Variants in PCDHGA1 observed in about 807,000 individuals in gnomAD.
The protein encoded by PCDHGA1 is protocadherin gamma-A1.
Under a neutral mutation model 58.0 loss-of-function variants are expected in PCDHGA1, and 32 were observed. That is an observed-to-expected ratio of 0.55 (90% CI 0.42 to 0.74). PCDHGA1 has a LOEUF of 0.74. PCDHGA1 is among the 30% of genes least tolerant of loss of function. The probability of loss-of-function intolerance (pLI) is 0.00; values close to 1 mark genes in which losing one functional copy is unlikely to be tolerated. For missense variants in PCDHGA1, 1,205 were observed against 1,182.3 expected (o/e 1.02, Z -0.28); for synonymous variants, 498 against 501.1 (o/e 0.99, Z 0.08).
chr5:141,357,486 C>T, intron 1 of PCDHGA1: 1 of 1,614,238 alleles, frequency 6.2e-7, no homozygotes, highest in South Asian at 1.1e-5. Flanking sequence ...TCACCGCGGA[C>T]TCGCGGAAGA....
intron 1 of PCDHGA1, among the ~76,000 whole-genome samples, chr5:141,436,521 C>T (rs2097829891): frequency 6.6e-6 from 1 of 152,086 alleles, no homozygotes; most frequent in African/African-American, 2.4e-5. Flanking sequence ...AACTGTGTCA[C>T]CTTTAGCAAG....
intron 1 of PCDHGA1, among the ~76,000 whole-genome samples, chr5:141,381,616 A>G (rs187813287): frequency 6.6e-6 from 1 of 152,230 alleles, no homozygotes; most frequent in Non-Finnish European, 1.5e-5. Context: ...ACAGCCCAGT[A>G]GGATCTCTGC....
chr5:141,398,528 C>T (rs1355149152), intron 1 of PCDHGA1: 2 of 1,613,386 alleles, frequency 1.2e-6, no homozygotes, highest in Non-Finnish European at 1.7e-6. Flanking sequence ...CCAAAATTCA[C>T]GCAAAATTCC....
chr5:141,339,032 G>A, intron 1 of PCDHGA1: 1 of 1,596,252 alleles, frequency 6.3e-7, no homozygotes, highest in Non-Finnish European at 8.6e-7. Context: ...CTTCCTTTTG[G>A]CGACCCTGTG....
At position 141,366,371 on chromosome 5, in the gene PCDHGA1, C is replaced by T. The variant is rs780787385; in HGVS notation, c.2421+33266C>T. 2.2e-5 allele frequency: 35 copies of T among 1,613,992 alleles called. No individual in the cohort carries two copies. In the South Asian group the frequency reaches 3.4e-4, roughly 16 times the overall value. Reference sequence around the variant, plus strand: ...GGCTGACCTAGGCAGTATCAAGACCCCCATTGACCCTGAGGATCTGGACCT... The same window carrying T: ...GGCTGACCTAGGCAGTATCAAGACCTCCATTGACCCTGAGGATCTGGACCT... On this transcript the variant is annotated intron_variant, in intron 1 of 3. Coordinates refer to ENST00000517417, the MANE Select transcript of PCDHGA1 (RefSeq NM_018912.3).
In PCDHGA1 at chr5:141,332,986, C is replaced by T. The variant is rs1756439768; in HGVS notation, c.2302C>T (p.Leu768=). Reference sequence around the variant, plus strand: ...CACTGCGGACTCGCGGAAGAGCCACCTGATTTTCCCCCAGCCCAACTATGC... The same window carrying T: ...CACTGCGGACTCGCGGAAGAGCCACTTGATTTTCCCCCAGCCCAACTATGC... ...SLTADSRKSH[L]IFPQPNYADT... The change falls in exon 1 of 4, where the codon CTG becomes TTG. Residue 768 remains leucine, a synonymous_variant. Transcript: ENST00000517417. The surrounding 1 kb of genome is among the most constrained non-coding windows in gnomAD (Gnocchi z 4.6). The T allele has an allele frequency of 6.2e-7, 1 of 1,614,104 alleles. No individual in the cohort carries two copies. Among genetic ancestry groups the T allele is most frequent in the Non-Finnish European group, 8.5e-7 (1 of 1,180,054 alleles).
At position 141,432,818 on chromosome 5, in the gene PCDHGA1, T is replaced by C. The variant is rs370597280; in HGVS notation, c.2422-61989T>C. On this transcript the variant is annotated intron_variant, in intron 1 of 3. Transcript: ENST00000517417. This position sits in a 1 kb window ranked among gnomAD's most constrained non-coding sequence, Gnocchi z 6.0. The stretch of plus-strand genomic sequence containing the variant: ...CGAGTCTCCAGCTAACTCTGAAACC[T>C]CAGACCTCACTCTGTACCTGGTGGT... 9.9e-6 allele frequency: 16 copies of C among 1,614,106 alleles called. No individual in the cohort carries two copies. The highest frequency in any genetic ancestry group is 1.4e-5 in the Non-Finnish European group (16 of 1,179,986).
intron 1 of PCDHGA1, chr5:141,413,247 CGGGATTCCAT>C: frequency 6.2e-7 from 1 of 1,613,940 alleles, no homozygotes; most frequent in South Asian, 1.1e-5. Flanking sequence ...GCCTTTTCTT[CGGGATTCCAT>C]GGGAGGCTGG....
chr5:141,408,855 G>T, intron 1 of PCDHGA1: 1 of 1,613,572 alleles, frequency 6.2e-7, no homozygotes, highest in Non-Finnish European at 8.5e-7. Context: ...TTGGACGGAG[G>T]GGACCCACCA....
At chr5:141,470,983 C>G (rs1486663328) in intron 1 of PCDHGA1, among the ~76,000 whole-genome samples, 2 of 151,528 alleles carry the variant, frequency 1.3e-5, no homozygotes, top group African/African-American at 4.9e-5. Context: ...TCCCAAAGTG[C>G]TGGGACTACA....
At chr5:141,356,356 A>T (rs778071643) in intron 1 of PCDHGA1, 2 of 1,556,868 alleles carry the variant, frequency 1.3e-6, no homozygotes, top group South Asian at 1.2e-5. Flanking sequence ...CACATGTTCT[A>T]TTCCAGATAA....
chr5:141,418,391 T>G, intron 1 of PCDHGA1: 1 of 1,614,010 alleles, frequency 6.2e-7, no homozygotes, highest in Non-Finnish European at 8.5e-7. Context: ...TAACGAGTAT[T>G]TCTCATTGGT....
At chr5:141,346,335 C>T (rs1489415232) in intron 1 of PCDHGA1, 11 of 1,614,122 alleles carry the variant, frequency 6.8e-6, no homozygotes, top group South Asian at 1.1e-5. Context: ...GAAGAGCCAC[C>T]TGATTTTCCC....
intron 1 of PCDHGA1, chr5:141,478,831 G>C: frequency 7.0e-7 from 1 of 1,435,672 alleles, no homozygotes; most frequent in Non-Finnish European, 9.1e-7. Flanking sequence ...ATCTTGCTAA[G>C]GGATGGTTAA....
rs752950365 is a variant in PCDHGA1, at chr5:141,339,304, G to A, written c.2421+6199G>A. The A allele has an allele frequency of 6.2e-6, 10 of 1,614,228 alleles. No individual in the cohort carries two copies. In the East Asian group the frequency reaches 1.8e-4, roughly 29 times the overall value. On this transcript the variant is annotated intron_variant, in intron 1 of 3. Coordinates refer to ENST00000517417, the MANE Select transcript of PCDHGA1 (RefSeq NM_018912.3). ...TGTTGAATTTTAACATTCTGCTGGAGGATAAATTGACTATTTATTCAGTAG... is the reference window on the plus strand; with the variant it reads ...TGTTGAATTTTAACATTCTGCTGGAAGATAAATTGACTATTTATTCAGTAG...
intron 1 of PCDHGA1, chr5:141,361,473 C>G (rs374176708): frequency 1.2e-6 from 2 of 1,614,024 alleles, no homozygotes; most frequent in Non-Finnish European, 1.7e-6. Context: ...CCGACGTCAA[C>G]GATAATGCCC....
At chr5:141,395,478 T>G in intron 1 of PCDHGA1, 1 of 546,140 alleles carries the variant, frequency 1.8e-6, no homozygotes, top group Non-Finnish European at 3.1e-6. Context: ...CAGTATTTTA[T>G]TCCTATTATC....
At chr5:141,484,672 A>G (rs1253641119) in intron 1 of PCDHGA1, among the ~76,000 whole-genome samples, 1 of 151,990 alleles carries the variant, frequency 6.6e-6, no homozygotes, top group African/African-American at 2.4e-5. Flanking sequence ...AGTGGGCCGC[A>G]GGTTGCTAGG....
intron 1 of PCDHGA1, among the ~76,000 whole-genome samples, chr5:141,443,008 T>C (rs2098358096): frequency 1.3e-5 from 2 of 152,220 alleles, no homozygotes; most frequent in Admixed American, 1.3e-4. Context: ...TCTAAGAATA[T>C]GACTAATGGA....
Sources: allele counts gnomAD v4.1 joint callset (sites outside exome capture counted in the v4.1 genomes callset), GRCh38; gene constraint gnomAD v4.1.1; non-coding constraint Gnocchi (gnomAD v3.1); transcripts MANE v1.5; gene names NCBI Gene and HGNC (gene_info 2026-07-23, HGNC 2026-07-21).